FAM193A: variants seen among roughly 807,000 people sequenced by gnomAD.
FAM193A encodes family with sequence similarity 193 member A, also known as protein FAM193A.
A neutral mutation model predicts 126.5 loss-of-function variants in FAM193A; 22 were observed. The ratio of observed to expected loss-of-function variants is 0.17; its 90% CI spans 0.12 to 0.25. FAM193A has a LOEUF of 0.25. FAM193A is among the 10% of genes least tolerant of loss of function. FAM193A has a pLI of 1.00. For missense variants in FAM193A, 1,675 were observed against 1,672.8 expected, an observed-to-expected ratio of 1.00 and a Z score of -0.02; for synonymous variants, 761 against 646.8, an observed-to-expected ratio of 1.18 and a Z score of -2.68.
intron 1 of FAM193A, among the ~76,000 whole-genome samples, chr4:2,584,271 A>T (rs980522410): frequency 8.6e-5 from 13 of 152,008 alleles, no homozygotes; most frequent in Non-Finnish European, 1.5e-4. Flanking sequence ...AACATTTCTT[A>T]AAAAAATTAG....
intron 2 of FAM193A, among the ~76,000 whole-genome samples, chr4:2,615,459 C>A (rs1413684824): frequency 6.6e-6 from 1 of 152,068 alleles, no homozygotes; most frequent in Non-Finnish European, 1.5e-5. Flanking sequence ...TTTATAATTG[C>A]CTTTATTATG....
intron 5 of FAM193A, among the ~76,000 whole-genome samples, chr4:2,635,026 T>G (rs905750236): frequency 3.9e-5 from 6 of 152,224 alleles, no homozygotes; most frequent in Non-Finnish European, 8.8e-5. Context: ...CAATGTGCTT[T>G]TTGTCTTAGA....
chr4:2,670,098 A>G (rs989218625), intron 12 of FAM193A, among the ~76,000 whole-genome samples: 1 of 152,094 alleles, frequency 6.6e-6, no homozygotes, highest in Non-Finnish European at 1.5e-5. Context: ...CTGCTCTCCC[A>G]CAGGCCTCTG....
At chr4:2,592,584 G>A (rs917600755) in intron 1 of FAM193A, among the ~76,000 whole-genome samples, 8 of 152,160 alleles carry the variant, frequency 5.3e-5, no homozygotes, top group African/African-American at 9.7e-5. Flanking sequence ...GAATAACCGC[G>A]GCAAGCTCCA....
At chr4:2,717,184 T>G (rs545018200) in intron 20 of FAM193A, among the ~76,000 whole-genome samples, 67 of 152,236 alleles carry the variant, frequency 4.4e-4, no homozygotes, top group Admixed American at 7.8e-4. Context: ...TTTGCTATGT[T>G]GGCCAGGCAG....
At chr4:2,663,384 C>T (rs1489302317) in intron 12 of FAM193A, 96 bp downstream of exon 12, 1 of 1,020,056 alleles carries the variant, frequency 9.8e-7, no homozygotes, top group Non-Finnish European at 1.4e-6. Context: ...TTTTGTTTCC[C>T]ATAATTTCTG....
chr4:2,538,096 GTTAT>G (rs971148485), intron 1 of FAM193A, among the ~76,000 whole-genome samples: 3 of 151,906 alleles, frequency 2.0e-5, no homozygotes, highest in Non-Finnish European at 2.9e-5. Flanking sequence ...TTCTTATAAT[GTTAT>G]TTAAACTCTT....
rs143435275 is a variant in FAM193A at position 2,696,482 on chromosome 4, C to T, written c.3396C>T (p.Ser1132=). 5 of 1,614,180 alleles carry T rather than the reference C, an allele frequency of 3.1e-6. No individual in the cohort carries two copies. The highest frequency in any genetic ancestry group is 3.4e-6 in the Non-Finnish European group (4 of 1,180,004). ...TGGACCAGATCTCAGAAAGGGAAAG[C>T]GTCGTTGACCATCGGAGGGTGGAGG... ...KKMDQISERE[S]VVDHRRVEDL... Residue 1132 remains serine, a synonymous_variant, in exon 18 of 21, where the codon AGC becomes AGT. Transcript: ENST00000637812.
chr4:2,566,942 C>CTTT (rs71644339), intron 1 of FAM193A, among the ~76,000 whole-genome samples: 3 of 138,914 alleles, frequency 2.2e-5, no homozygotes, highest in East Asian at 2.1e-4. Flanking sequence ...ATTTCTTTTT[C>CTTT]TTTTTTTTTT....
intron 20 of FAM193A, among the ~76,000 whole-genome samples, 178 bp from the exon 21 acceptor site, chr4:2,731,597 G>A (rs1057299990): frequency 2.6e-5 from 4 of 151,834 alleles, no homozygotes; most frequent in Non-Finnish European, 5.9e-5. Context: ...CCCTTCTCAA[G>A]TGCAGCCTGT....
chr4:2,654,780 A>G (rs150061482), intron 7 of FAM193A: 686 of 274,084 alleles, frequency 2.5e-3, no homozygotes, highest in Non-Finnish European at 3.5e-3. Context: ...TAGTTTGTAA[A>G]TCTTGACCCA....
chr4:2,661,405 C>T (rs188501554), intron 10 of FAM193A, among the ~76,000 whole-genome samples: 2 of 152,332 alleles, frequency 1.3e-5, no homozygotes, highest in Admixed American at 1.3e-4. Context: ...GGAGCTAGGG[C>T]TGGTGAAGCC....
chr4:2,718,941 A>G (rs1030277452), intron 20 of FAM193A, among the ~76,000 whole-genome samples: 2 of 152,206 alleles, frequency 1.3e-5, no homozygotes, highest in Non-Finnish European at 2.9e-5. Flanking sequence ...TCAGTGAGAA[A>G]ACTACATTTT....
chr4:2,725,936 G>T (rs140063917), intron 20 of FAM193A, among the ~76,000 whole-genome samples: 7,149 of 151,114 alleles, frequency 0.047, 551 homozygotes, highest in African/African-American at 0.15. Flanking sequence ...TCTCGCTCTG[G>T]CGCCCAGGCT....
chr4:2,578,984 G>A (rs1739764692), intron 1 of FAM193A, among the ~76,000 whole-genome samples: 1 of 151,866 alleles, frequency 6.6e-6, no homozygotes, highest in African/African-American at 2.4e-5. Context: ...TATTTTTGTT[G>A]AGGCAGGGTC....
At chr4:2,637,019 C>G (rs1744149672) in intron 5 of FAM193A, among the ~76,000 whole-genome samples, 1 of 152,180 alleles carries the variant, frequency 6.6e-6, no homozygotes, top group Non-Finnish European at 1.5e-5. Context: ...TTTGTATTTA[C>G]TTTAAATATT....
intron 13 of FAM193A, among the ~76,000 whole-genome samples, chr4:2,677,918 C>T (rs1714615688): frequency 6.6e-6 from 1 of 152,018 alleles, no homozygotes; most frequent in Non-Finnish European, 1.5e-5. Context: ...ACAGTATTGT[C>T]TTCTAATCAA....
chr4:2,718,242 T>A (rs1403736461), intron 20 of FAM193A, among the ~76,000 whole-genome samples: 1 of 151,678 alleles, frequency 6.6e-6, no homozygotes, highest in Non-Finnish European at 1.5e-5. Flanking sequence ...AAAATATGAT[T>A]GATTGAAAAC....
chr4:2,692,993 A>G (rs1275286505), intron 15 of FAM193A, among the ~76,000 whole-genome samples: 1 of 152,074 alleles, frequency 6.6e-6, no homozygotes, highest in African/African-American at 2.4e-5. Flanking sequence ...GCTTGAGCCC[A>G]GGGGTTCAGG....
Sources: gnomAD v4.1 joint callset for allele counts (sites outside exome capture counted in the v4.1 genomes callset) on GRCh38, gnomAD v4.1.1 for gene constraint, MANE v1.5 for transcripts, NCBI Gene and HGNC (gene_info 2026-07-23, HGNC 2026-07-21) for gene names.